VTI1A: variants seen among roughly 807,000 people sequenced by gnomAD.
VTI1A encodes the protein vesicle transport through interaction with t-SNAREs 1A.
Under a neutral mutation model 34.9 loss-of-function variants are expected in VTI1A, and 22 were observed. The ratio of observed to expected loss-of-function variants is 0.63; its 90% confidence interval spans 0.45 to 0.90. The LOEUF (loss-of-function observed/expected upper bound fraction) is 0.90. Among genes scored for constraint, VTI1A ranks in the 40% least tolerant of loss-of-function variants. The pLI, the probability that VTI1A is intolerant of heterozygous loss-of-function variation, is 0.00. For missense variants in VTI1A, 268 were observed against 275.6 expected (o/e 0.97, Z 0.20); for synonymous variants, 87 against 97.3 (o/e 0.89, Z 0.62).
intron 5 of VTI1A, among the ~76,000 whole-genome samples, chr10:112,618,522 T>TAAAGAGAGAGAGAGAGAGAG (rs1350356577): frequency 2.3e-5 from 1 of 43,676 alleles, no homozygotes; most frequent in Non-Finnish European, 3.6e-5. Flanking sequence ...TATATATATA[T>TAAAGAGAGAGAGAGAGAGAG]ATAGAGAGAG....
chr10:112,531,853 G>C (rs952357323), intron 4 of VTI1A, among the ~76,000 whole-genome samples: 8 of 152,178 alleles, frequency 5.3e-5, no homozygotes, highest in Admixed American at 1.3e-4. Flanking sequence ...CAAAGAGAAA[G>C]ATTCCGATAT....
At chr10:112,491,314 A>G (rs1258661655) in intron 3 of VTI1A, among the ~76,000 whole-genome samples, 1 of 152,264 alleles carries the variant, frequency 6.6e-6, no homozygotes. Flanking sequence ...AGCAGGAGTC[A>G]GGGGACCTGA....
At chr10:112,708,644 C>T (rs940836701) in intron 7 of VTI1A, among the ~76,000 whole-genome samples, 2 of 152,134 alleles carry the variant, frequency 1.3e-5, no homozygotes, top group Admixed American at 6.5e-5. Flanking sequence ...TTGACAGAAG[C>T]GAGTCACCAG....
chr10:112,518,877 A>G (rs1409404978), intron 3 of VTI1A, among the ~76,000 whole-genome samples: 7 of 151,866 alleles, frequency 4.6e-5, no homozygotes, highest in Non-Finnish European at 8.8e-5. Flanking sequence ...AGAATATGTT[A>G]TTTATGAATG....
At chr10:112,669,830 T>G (rs890101049) in intron 7 of VTI1A, among the ~76,000 whole-genome samples, 2 of 152,284 alleles carry the variant, frequency 1.3e-5, no homozygotes, top group African/African-American at 4.8e-5. Context: ...TGATCACATA[T>G]CCATATACAA....
At chr10:112,841,918 G>A in the VTI1A span, among the ~76,000 whole-genome samples, 1 of 152,094 alleles carries the variant, frequency 6.6e-6, no homozygotes, top group East Asian at 1.9e-4. Context: ...CTCTGATGCA[G>A]CCCACAAGCC....
chr10:112,736,569 G>A (rs1352923427), intron 7 of VTI1A, among the ~76,000 whole-genome samples: 1 of 152,132 alleles, frequency 6.6e-6, no homozygotes, highest in African/African-American at 2.4e-5. Context: ...TTGAATGCAA[G>A]GAAAAGGCAT....
chr10:112,825,750 A>C, the VTI1A span: 1 of 151,894 alleles, frequency 6.6e-6, no homozygotes, highest in African/African-American at 2.4e-5. Flanking sequence ...GCCTGAGAGG[A>C]CCCTCTCTTC....
the VTI1A span, among the ~76,000 whole-genome samples, chr10:112,837,326 C>CA: frequency 1.7e-4 from 26 of 150,024 alleles, no homozygotes; most frequent in Admixed American, 6.0e-4. Flanking sequence ...GACAACGTCT[C>CA]AAAAAAAAAT....
intron 7 of VTI1A, among the ~76,000 whole-genome samples, chr10:112,735,852 C>T (rs531313822): frequency 6.6e-6 from 1 of 151,922 alleles, no homozygotes; most frequent in Non-Finnish European, 1.5e-5. Flanking sequence ...CCAAGTGCCA[C>T]AAGACCTTTT....
chr10:112,752,831 C>T (rs1851146398), intron 7 of VTI1A, among the ~76,000 whole-genome samples: 1 of 152,134 alleles, frequency 6.6e-6, no homozygotes, highest in South Asian at 2.1e-4. Context: ...TTGGCAGTCT[C>T]TTTTGGGTAT....
the VTI1A span, among the ~76,000 whole-genome samples, chr10:112,849,035 T>C: frequency 6.6e-6 from 1 of 152,202 alleles, no homozygotes; most frequent in Non-Finnish European, 1.5e-5. Context: ...TGAGGCCAGC[T>C]TCTGGACCCA....
At chr10:112,634,844 A>G (rs1846284250) in intron 5 of VTI1A, among the ~76,000 whole-genome samples, 1 of 152,092 alleles carries the variant, frequency 6.6e-6, no homozygotes. Context: ...TCTGCTTTTC[A>G]TTAAGTTTGC....
At chr10:112,624,851 T>A (rs995826100) in intron 5 of VTI1A, among the ~76,000 whole-genome samples, 3 of 152,076 alleles carry the variant, frequency 2.0e-5, no homozygotes, top group Non-Finnish European at 1.5e-5. Flanking sequence ...GATGTCAGCA[T>A]TTTGGGAGGT....
At chr10:112,501,497 GAAGT>G (rs1849233724) in intron 3 of VTI1A, among the ~76,000 whole-genome samples, 3 of 152,108 alleles carry the variant, frequency 2.0e-5, no homozygotes, top group East Asian at 1.9e-4. Context: ...AGAAATGAAA[GAAGT>G]AAGAAAGTAG....
chr10:112,527,090 A>G lies in VTI1A; in HGVS notation c.268A>G (p.Arg90Gly), dbSNP rs779983241. Residue 90 changes from arginine (R) to glycine (G), a missense_variant, in exon 4 of 8, where the codon AGG becomes GGG. By Grantham distance (125) the Arg-to-Gly change is moderately radical. Coordinates refer to ENST00000393077, the MANE Select transcript of VTI1A (RefSeq NM_145206.4). ...CCCTTTTTGTTTTGTTTTATAGAAA[A>G]GGTCACGGATCGCCTACAGTGACGA... ...EMGKLETDFK[R>G]SRIAYSDEVR... 5 of 1,612,592 alleles carry G rather than the reference A, an allele frequency of 3.1e-6. No homozygotes were observed. In the African/African-American group the frequency reaches 5.3e-5, roughly 17 times the overall value.
intron 7 of VTI1A, among the ~76,000 whole-genome samples, chr10:112,755,204 C>T (rs561641956): frequency 8.6e-5 from 13 of 151,890 alleles, no homozygotes; most frequent in South Asian, 6.3e-4. Flanking sequence ...TGCAGCGAGC[C>T]GAGATTGTGC....
chr10:112,620,987 A>G (rs377730996), intron 5 of VTI1A, among the ~76,000 whole-genome samples: 1 of 152,118 alleles, frequency 6.6e-6, no homozygotes, highest in South Asian at 2.1e-4. Context: ...TTGATTTTAC[A>G]TAGGGCATTT....
chr10:112,793,872 C>CGAG (rs1852580323), intron 7 of VTI1A, among the ~76,000 whole-genome samples: 1 of 152,204 alleles, frequency 6.6e-6, no homozygotes, highest in Non-Finnish European at 1.5e-5. Flanking sequence ...AGGTTTTTCT[C>CGAG]TCCAGGTGCA....
Sources: gnomAD v4.1 joint callset for allele counts (sites outside exome capture counted in the v4.1 genomes callset) on GRCh38, gnomAD v4.1.1 for gene constraint, MANE v1.5 for transcripts, NCBI Gene and HGNC (gene_info 2026-07-23, HGNC 2026-07-21) for gene names.